EPB41L4B: variants seen among roughly 807,000 people sequenced by gnomAD.
EPB41L4B encodes erythrocyte membrane protein band 4.1 like 4B.
EPB41L4B carries 30 observed loss-of-function variants against 112.5 expected under a neutral mutation model. The observed-to-expected ratio is 0.27, with a 90% CI of 0.20 to 0.36. The LOEUF (loss-of-function observed/expected upper bound fraction) is 0.36. Among genes scored for constraint, EPB41L4B ranks in the 10% least tolerant of loss-of-function variants. EPB41L4B has a pLI of 1.00. For missense variants in EPB41L4B, 1,024 were observed against 1,133.3 expected (o/e 0.90, Z 1.38); for synonymous variants, 408 against 439.7 (o/e 0.93, Z 0.90).
intron 1 of EPB41L4B, chr9:109,307,273 C>T (rs1318354376): frequency 2.0e-6 from 1 of 488,336 alleles, no homozygotes; most frequent in Non-Finnish European, 4.1e-6. Context: ...AACTTCATCG[C>T]TTTTAGAATA....
At chr9:109,235,571 C>T (rs888254726) in intron 15 of EPB41L4B, among the ~76,000 whole-genome samples, 1 of 151,376 alleles carries the variant, frequency 6.6e-6, no homozygotes. Context: ...CTAGTTTTTG[C>T]ATTTTTAGTG....
intron 24 of EPB41L4B, among the ~76,000 whole-genome samples, chr9:109,180,621 G>A (rs1397875041): frequency 6.6e-6 from 1 of 152,128 alleles, no homozygotes; most frequent in Non-Finnish European, 1.5e-5. Flanking sequence ...CTCATCCTCT[G>A]AAACTTGAAT....
chr9:109,175,589 C>T (rs374852667), intron 25 of EPB41L4B, among the ~76,000 whole-genome samples: 10 of 151,644 alleles, frequency 6.6e-5, no homozygotes, highest in African/African-American at 2.4e-4. Flanking sequence ...GACTTGAACT[C>T]CTGAACTCCT....
At chr9:109,206,243 G>T (rs1260857507) in intron 18 of EPB41L4B, among the ~76,000 whole-genome samples, 3 of 152,070 alleles carry the variant, frequency 2.0e-5, no homozygotes, top group African/African-American at 2.4e-5. Flanking sequence ...CAGTGCAGTG[G>T]AGCAATCTCT....
chr9:109,251,589 T>C, intron 12 of EPB41L4B, 78 bp from the exon 13 acceptor site: 1 of 1,302,960 alleles, frequency 7.7e-7, no homozygotes, highest in Non-Finnish European at 1.1e-6. Context: ...ATAATGGCCA[T>C]GCGAGACTTC....
intron 11 of EPB41L4B, among the ~76,000 whole-genome samples, chr9:109,254,185 A>G (rs1256264005): frequency 6.6e-6 from 1 of 152,210 alleles, no homozygotes; most frequent in Non-Finnish European, 1.5e-5. Context: ...GCAGAAAGGA[A>G]CATGGTCTGG....
intron 16 of EPB41L4B, 82 bp downstream of exon 16, chr9:109,216,840 C>G: frequency 7.2e-7 from 1 of 1,379,720 alleles, no homozygotes; most frequent in East Asian, 2.3e-5. Context: ...CCGCAAGGGT[C>G]TGTCTTAAGA....
intron 21 of EPB41L4B, among the ~76,000 whole-genome samples, chr9:109,193,722 C>A (rs1832545324): frequency 6.6e-6 from 1 of 152,218 alleles, no homozygotes; most frequent in African/African-American, 2.4e-5. Flanking sequence ...TGTGTAAAGC[C>A]TTTGTCATAG....
chr9:109,251,028 G>A (rs564571971), intron 13 of EPB41L4B, among the ~76,000 whole-genome samples: 15 of 152,200 alleles, frequency 9.9e-5, no homozygotes, highest in African/African-American at 1.4e-4. Flanking sequence ...TCACTCTTGT[G>A]ATAAGTTCAT....
intron 1 of EPB41L4B, among the ~76,000 whole-genome samples, chr9:109,288,558 A>T (rs953326832): frequency 6.6e-6 from 1 of 151,588 alleles, no homozygotes; most frequent in Non-Finnish European, 1.5e-5. Context: ...GTTTCTACTA[A>T]ACAAAATACA....
At chr9:109,223,850 C>T (rs1477714131) in intron 15 of EPB41L4B, among the ~76,000 whole-genome samples, 1 of 152,054 alleles carries the variant, frequency 6.6e-6, no homozygotes, top group Non-Finnish European at 1.5e-5. Context: ...GAAGCTCTGT[C>T]TCTACTAAAA....
intron 6 of EPB41L4B, among the ~76,000 whole-genome samples, chr9:109,260,778 A>G (rs1327929903): frequency 5.3e-5 from 8 of 152,152 alleles, no homozygotes; most frequent in Non-Finnish European, 1.2e-4. Flanking sequence ...TTTCTCCAAG[A>G]ACGGTCACAG....
At chr9:109,254,044 G>A (rs1053369673) in intron 11 of EPB41L4B, among the ~76,000 whole-genome samples, 1 of 152,188 alleles carries the variant, frequency 6.6e-6, no homozygotes, top group Non-Finnish European at 1.5e-5. Context: ...GGAGGTTGCT[G>A]GTTTCGTCTG....
chr9:109,277,345 A>G (rs1745496755), intron 2 of EPB41L4B, among the ~76,000 whole-genome samples: 2 of 150,936 alleles, frequency 1.3e-5, no homozygotes, highest in Admixed American at 6.6e-5. Flanking sequence ...ATGGACAGAC[A>G]GAATCGGAAG....
At chr9:109,198,941 AAG>A (rs1832733154) in intron 20 of EPB41L4B, among the ~76,000 whole-genome samples, 2 of 151,710 alleles carry the variant, frequency 1.3e-5, no homozygotes, top group Non-Finnish European at 2.9e-5. Flanking sequence ...AAAAAAAAAA[AAG>A]GGAAATACCA....
At chr9:109,216,789 CCCGGTAG>C in intron 16 of EPB41L4B, 126 bp downstream of exon 16, 2 of 926,190 alleles carry the variant, frequency 2.2e-6, no homozygotes, top group Non-Finnish European at 3.4e-6. Context: ...CTGGCCCAAA[CCCGGTAG>C]CCCAGCATAA....
chr9:109,205,686 C>T (rs939268209), intron 18 of EPB41L4B, among the ~76,000 whole-genome samples: 11 of 152,202 alleles, frequency 7.2e-5, no homozygotes, highest in Admixed American at 2.0e-4. Flanking sequence ...AATTTCATCA[C>T]GCCACAACTG....
chr9:109,195,280 T>C (rs367684717), intron 20 of EPB41L4B, among the ~76,000 whole-genome samples: 1 of 152,116 alleles, frequency 6.6e-6, no homozygotes, highest in Admixed American at 6.5e-5. Flanking sequence ...TAGGCACCAG[T>C]GCAGCCTGTG....
At chr9:109,269,943 A>G (rs1472617698) in intron 2 of EPB41L4B, among the ~76,000 whole-genome samples, 1 of 152,242 alleles carries the variant, frequency 6.6e-6, no homozygotes. Context: ...CAGATGATTG[A>G]TAATACAATA....
Sources: gnomAD v4.1 joint callset for allele counts (sites outside exome capture counted in the v4.1 genomes callset) on GRCh38, gnomAD v4.1.1 for gene constraint, MANE v1.5 for transcripts, NCBI Gene and HGNC (gene_info 2026-07-23, HGNC 2026-07-21) for gene names.